GNAO1: variants seen among roughly 807,000 people sequenced by gnomAD.
GNAO1 encodes the protein guanine nucleotide-binding protein G(o) subunit alpha.
For missense variants in GNAO1, 166 were observed against 478.7 expected (o/e 0.35, Z 6.10); for synonymous variants, 164 against 180.7 (o/e 0.91, Z 0.74).
chr16:56,312,974 C>T (rs2037474709), intron 3 of GNAO1, among the ~76,000 whole-genome samples: 1 of 152,224 alleles, frequency 6.6e-6, no homozygotes, highest in Non-Finnish European at 1.5e-5. Context: ...ACAAAGAGAG[C>T]AAGGCCTCAA....
intron 2 of GNAO1, among the ~76,000 whole-genome samples, chr16:56,272,314 A>G (rs923193409): frequency 1.3e-5 from 2 of 151,678 alleles, no homozygotes; most frequent in African/African-American, 4.8e-5. Flanking sequence ...CTCCATCTGA[A>G]AAAAAAAAGG....
chr16:56,340,775 G>T, intron 6 of GNAO1: 1 of 1,518,494 alleles, frequency 6.6e-7, no homozygotes. Context: ...GTCATTGGCC[G>T]CGGTGGGTCA....
chr16:56,343,030 G>A (rs1291141445), intron 6 of GNAO1, among the ~76,000 whole-genome samples: 3 of 151,908 alleles, frequency 2.0e-5, no homozygotes, highest in Admixed American at 6.6e-5. Flanking sequence ...CCTGGGAGTC[G>A]GAGGTTGCGG....
At chr16:56,278,966 C>T (rs1222620979) in intron 3 of GNAO1, among the ~76,000 whole-genome samples, 1 of 152,176 alleles carries the variant, frequency 6.6e-6, no homozygotes, top group East Asian at 1.9e-4. Flanking sequence ...AGGGGATCTG[C>T]CATTTGGATG....
chr16:56,211,830 C>T (rs1434168505), intron 2 of GNAO1, among the ~76,000 whole-genome samples: 2 of 152,220 alleles, frequency 1.3e-5, no homozygotes, highest in African/African-American at 4.8e-5. Flanking sequence ...CTTCTGCTGG[C>T]TGTGCAAAGG....
chr16:56,192,496 C>T lies in GNAO1; in HGVS notation c.119-78C>T, dbSNP rs900646926. 27 of 909,818 alleles carry T rather than the reference C, an allele frequency of 3.0e-5. No individual in the cohort carries two copies. In the East Asian group the frequency reaches 5.4e-4, roughly 18 times the overall value. 56.4% of individuals were successfully genotyped at this position (909,818 alleles called of 1,614,324 possible). A position where few individuals can be genotyped will look rare whatever the true frequency, so the allele number is the denominator to read the frequency against. On this transcript the variant is annotated intron_variant, in intron 1 of 8. Transcript: ENST00000262493. ...GTGCCCAGGATCGCCCACCCCCTCG[C>T]ATGCCTTAGTCCCCCCCTCCCCCTG...
chr16:56,354,654 CAAT>C lies in GNAO1; in HGVS notation c.878-209_878-207del. 6.6e-6 allele frequency among the ~76,000 whole-genome samples: 1 copy of C among 152,326 alleles called. No homozygotes were observed. Among genetic ancestry groups the C allele is most frequent in the African/African-American group, 2.4e-5 (1 of 41,558 alleles). Reference sequence around the variant, plus strand: ...TCGTGCCATTGCACTCCAGCCTGGGCAATAAGAGCAAAACTCTGTCTCAAAAAA... The same window carrying C: ...TCGTGCCATTGCACTCCAGCCTGGGCAAGAGCAAAACTCTGTCTCAAAAAA... On this transcript the variant is annotated intron_variant, in intron 7 of 8. Transcript: ENST00000262493. The surrounding 1 kb of genome is among the most constrained non-coding windows in gnomAD (Gnocchi z 4.3).
intron 5 of GNAO1, among the ~76,000 whole-genome samples, chr16:56,336,122 G>A (rs1411146297): frequency 6.6e-6 from 1 of 152,162 alleles, no homozygotes; most frequent in African/African-American, 2.4e-5. Context: ...GAATTTTTGT[G>A]CCCCCTCGGG....
chr16:56,336,874 G>C lies in GNAO1; in HGVS notation c.723+14G>C, dbSNP rs1313569260. On this transcript the variant is annotated intron_variant, in intron 6 of 8. Transcript: ENST00000262493. ...GACGAAACCACGGTGAGTGGCCTGG[G>C]CCCCCCGGGCAGGGGGCAGCGCTGA... 1.2e-6 allele frequency: 2 copies of C among 1,604,310 alleles called. No individual in the cohort carries two copies. The highest frequency in any genetic ancestry group is 2.2e-5 in the East Asian group (1 of 44,604).
intron 2 of GNAO1, among the ~76,000 whole-genome samples, chr16:56,256,718 C>CTGTG (rs199786327): frequency 0.032 from 2,287 of 72,094 alleles, 26 homozygotes; most frequent in East Asian, 0.05. Context: ...CTCTCTCTCT[C>CTGTG]TGTGTGTGTG....
chr16:56,298,914 C>CA (rs761298658), intron 3 of GNAO1, among the ~76,000 whole-genome samples: 8,521 of 69,806 alleles, frequency 0.12, 343 homozygotes, highest in African/African-American at 0.18. Context: ...GACTCTGTCT[C>CA]AAAAAAAAAA....
intron 2 of GNAO1, among the ~76,000 whole-genome samples, chr16:56,245,136 A>AT (rs1487501010): frequency 2.0e-5 from 3 of 151,778 alleles, no homozygotes; most frequent in African/African-American, 4.8e-5. Flanking sequence ...TATTTTATAG[A>AT]TAAAAAAAAA....
chr16:56,331,101 G>A (rs2037684415), intron 4 of GNAO1, among the ~76,000 whole-genome samples: 1 of 152,182 alleles, frequency 6.6e-6, no homozygotes, highest in African/African-American at 2.4e-5. Flanking sequence ...GGACTCACAG[G>A]GCTGCCACAG....
chr16:56,325,419 TG>T (rs1468707104), intron 3 of GNAO1, among the ~76,000 whole-genome samples: 1 of 152,208 alleles, frequency 6.6e-6, no homozygotes, highest in Non-Finnish European at 1.5e-5. Context: ...GAGGTTGTGG[TG>T]AGCTGAGATC....
Position 56,326,377 on chromosome 16 carries a change from A to G in GNAO1, c.304-2254A>G, listed in dbSNP as rs1250290371. Among the ~76,000 whole-genome samples, 1 of 152,192 alleles carries G rather than the reference A, an allele frequency of 6.6e-6. No homozygotes were observed. The highest frequency in any genetic ancestry group is 1.5e-5 in the Non-Finnish European group (1 of 68,032). On this transcript the variant is annotated intron_variant, in intron 3 of 8. Transcript: ENST00000262493. This position sits in a 1 kb window ranked among gnomAD's most constrained non-coding sequence, Gnocchi z 4.8. ...CATGTGAAGAGCAAGAAGACAGGGT[A>G]TGTCTGGTGCCTGGGCTGAGACAGG...
At chr16:56,332,375 C>CA in intron 4 of GNAO1, among the ~76,000 whole-genome samples, 2 of 152,208 alleles carry the variant, frequency 1.3e-5, no homozygotes, top group Non-Finnish European at 2.9e-5. Flanking sequence ...TCGAGGCCCA[C>CA]TTGCTCCCTC....
chr16:56,243,103 C>T (rs1303376373), intron 2 of GNAO1, among the ~76,000 whole-genome samples: 3 of 151,438 alleles, frequency 2.0e-5, no homozygotes, highest in African/African-American at 7.3e-5. Flanking sequence ...CACTGTCTCC[C>T]ATCACCCCTA....
At chr16:56,198,109 T>G (rs1253869555) in intron 2 of GNAO1, among the ~76,000 whole-genome samples, 1 of 152,102 alleles carries the variant, frequency 6.6e-6, no homozygotes, top group Non-Finnish European at 1.5e-5. Flanking sequence ...GAATTGACAC[T>G]AATAGAGAAA....
At chr16:56,295,218 A>G (rs1188020628) in intron 3 of GNAO1, among the ~76,000 whole-genome samples, 3 of 152,134 alleles carry the variant, frequency 2.0e-5, no homozygotes, top group Non-Finnish European at 4.4e-5. Flanking sequence ...TCGTCTGCAG[A>G]TAAAGAAGTG....
Sources: gnomAD v4.1 joint callset for allele counts (sites outside exome capture counted in the v4.1 genomes callset) on GRCh38, gnomAD v4.1.1 for gene constraint, Gnocchi (gnomAD v3.1) non-coding constraint, MANE v1.5 for transcripts, NCBI Gene and HGNC (gene_info 2026-07-23, HGNC 2026-07-21) for gene names.